SMARCAD1: variants seen among roughly 807,000 people sequenced by gnomAD.
SMARCAD1 encodes the protein SNF2 related chromatin remodeling ATPase with DExD box 1.
SMARCAD1 carries 25 observed loss-of-function variants against 127.1 expected under a neutral mutation model. The observed-to-expected ratio is 0.20, with a 90% CI of 0.14 to 0.27. The LOEUF is 0.27. Among genes scored for constraint, SMARCAD1 ranks in the 10% least tolerant of loss-of-function variants. The pLI is 1.00. For missense variants in SMARCAD1, 807 were observed against 1,206.0 expected (o/e 0.67, Z 4.90); for synonymous variants, 400 against 396.9 (o/e 1.01, Z -0.09).
chr4:94,287,960 G>C (rs1171494546), intron 23 of SMARCAD1, among the ~76,000 whole-genome samples: 2 of 151,694 alleles, frequency 1.3e-5, no homozygotes, highest in Non-Finnish European at 2.9e-5. Context: ...AAACCAGCCT[G>C]GGCAACATAG....
intron 9 of SMARCAD1, among the ~76,000 whole-genome samples, chr4:94,260,356 T>A (rs1750779508): frequency 6.6e-6 from 1 of 152,196 alleles, no homozygotes; most frequent in South Asian, 2.1e-4. Context: ...TATTTTTTTT[T>A]ATTTTGAGAC....
At chr4:94,242,893 G>A (rs1747812839) in intron 6 of SMARCAD1, among the ~76,000 whole-genome samples, 1 of 152,144 alleles carries the variant, frequency 6.6e-6, no homozygotes, top group Non-Finnish European at 1.5e-5. Flanking sequence ...TCCAGCCTGG[G>A]TGACACAGTG....
intron 19 of SMARCAD1, 116 bp downstream of exon 19, chr4:94,279,166 C>G: frequency 7.6e-7 from 1 of 1,313,620 alleles, no homozygotes; most frequent in Non-Finnish European, 1.0e-6. Flanking sequence ...TTAAGAAAAA[C>G]TTTTTTTTTT....
At chr4:94,245,335 G>A (rs10025333) in intron 6 of SMARCAD1, among the ~76,000 whole-genome samples, 22,906 of 152,134 alleles carry the variant, frequency 0.15, 1,937 homozygotes, top group Middle Eastern at 0.22. Flanking sequence ...TGCCATGACA[G>A]TGTAATACAA....
intron 6 of SMARCAD1, among the ~76,000 whole-genome samples, chr4:94,247,670 G>A (rs1748650710): frequency 6.6e-6 from 1 of 152,008 alleles, no homozygotes; most frequent in Non-Finnish European, 1.5e-5. Context: ...TACCCATTAA[G>A]CAGTTTCTCC....
chr4:94,228,901 GT>G (rs1245064613), intron 3 of SMARCAD1, among the ~76,000 whole-genome samples: 4 of 152,014 alleles, frequency 2.6e-5, no homozygotes, highest in Non-Finnish European at 5.9e-5. Context: ...AATAGGCCAG[GT>G]TTTTTTAGAA....
chr4:94,281,426 G>A, intron 20 of SMARCAD1, 46 bp from the exon 21 acceptor site: 1 of 1,354,842 alleles, frequency 7.4e-7, no homozygotes, highest in East Asian at 2.3e-5. Context: ...GCTTTGAGTA[G>A]TAAAACGATT....
At chr4:94,234,598 G>A (rs1203669847) in intron 4 of SMARCAD1, among the ~76,000 whole-genome samples, 2 of 152,164 alleles carry the variant, frequency 1.3e-5, no homozygotes, top group African/African-American at 4.8e-5. Flanking sequence ...CAGAAACAAA[G>A]GAGTATAGTT....
intron 9 of SMARCAD1, among the ~76,000 whole-genome samples, chr4:94,259,246 G>A (rs1750589873): frequency 6.6e-6 from 1 of 152,150 alleles, no homozygotes; most frequent in South Asian, 2.1e-4. Context: ...AATTTTGGAA[G>A]CAACATACCA....
intron 10 of SMARCAD1, among the ~76,000 whole-genome samples, chr4:94,267,192 T>C (rs1016934111): frequency 6.6e-6 from 1 of 152,188 alleles, no homozygotes; most frequent in Non-Finnish European, 1.5e-5. Flanking sequence ...CTTGACAGCA[T>C]GGTTCCTACC....
intron 9 of SMARCAD1, among the ~76,000 whole-genome samples, chr4:94,254,472 A>G (rs190763979): frequency 1.3e-5 from 2 of 152,266 alleles, no homozygotes; most frequent in Non-Finnish European, 2.9e-5. Flanking sequence ...AAATTATACA[A>G]TTTTACCAGA....
Position 94,261,351 on chromosome 4 carries a change from T to C in SMARCAD1, c.1282-3356T>C, listed in dbSNP as rs546909812. Among the ~76,000 whole-genome samples, 83 of 152,302 alleles carry C rather than the reference T, an allele frequency of 5.4e-4. 1 individual carries two copies. Among genetic ancestry groups the C allele is most frequent in the African/African-American group, 1.9e-3 (79 of 41,566 alleles). On this transcript the variant is annotated intron_variant, in intron 9 of 23. Transcript: ENST00000354268. ...ATTTATCACTAAACTCATAATATGC[T>C]TAGGCACTAACCTTCAACAATACAG... is the stretch of plus-strand genomic sequence containing the variant.
At chr4:94,249,576 A>G in intron 6 of SMARCAD1, 78 bp from the exon 7 acceptor site, 1 of 807,400 alleles carries the variant, frequency 1.2e-6, no homozygotes, top group South Asian at 1.4e-5. Context: ...GATCAAGTCA[A>G]AATACAATGA....
At chr4:94,258,212 T>C (rs1750409653) in intron 9 of SMARCAD1, among the ~76,000 whole-genome samples, 1 of 151,874 alleles carries the variant, frequency 6.6e-6, no homozygotes, top group African/African-American at 2.4e-5. Flanking sequence ...TGGAGTGCAG[T>C]GATGCGATCT....
At chr4:94,250,901 T>C in intron 8 of SMARCAD1, 68 bp downstream of exon 8, 1 of 1,255,466 alleles carries the variant, frequency 8.0e-7, no homozygotes, top group Non-Finnish European at 1.2e-6. Flanking sequence ...TATAAGAAAA[T>C]GGTATATAAG....
intron 3 of SMARCAD1, 41 bp from the exon 4 acceptor site, chr4:94,233,913 T>C: frequency 6.3e-7 from 1 of 1,594,968 alleles, no homozygotes; most frequent in Non-Finnish European, 8.6e-7. Context: ...ACATTAGTAA[T>C]ACATTAAAAA....
intron 3 of SMARCAD1, among the ~76,000 whole-genome samples, chr4:94,232,004 G>A (rs1745917472): frequency 6.6e-6 from 1 of 151,996 alleles, no homozygotes; most frequent in Non-Finnish European, 1.5e-5. Flanking sequence ...TGGGATTACA[G>A]GCACCCGCCA....
intron 9 of SMARCAD1, among the ~76,000 whole-genome samples, chr4:94,263,036 C>A (rs1325828027): frequency 6.6e-6 from 1 of 151,814 alleles, no homozygotes; most frequent in Non-Finnish European, 1.5e-5. Flanking sequence ...TTCTCTTACC[C>A]AGCTTTGTGA....
At chr4:94,239,064 ATAAAAAAT>A (rs1747157775) in intron 5 of SMARCAD1, among the ~76,000 whole-genome samples, 1 of 152,232 alleles carries the variant, frequency 6.6e-6, no homozygotes, top group Admixed American at 6.5e-5. Context: ...TTACAAGGAA[ATAAAAAAT>A]TAGGATTTTC....
Sources: gnomAD v4.1 joint callset for allele counts (sites outside exome capture counted in the v4.1 genomes callset) on GRCh38, gnomAD v4.1.1 for gene constraint, MANE v1.5 for transcripts, NCBI Gene and HGNC (gene_info 2026-07-23, HGNC 2026-07-21) for gene names.